Variants in ST3GAL5 observed in about 807,000 individuals in gnomAD.
ST3GAL5 encodes ST3 beta-galactoside alpha-2,3-sialyltransferase 5.
A neutral mutation model predicts 46.1 loss-of-function variants in ST3GAL5; 25 were observed. The observed-to-expected ratio is 0.54, with a 90% CI of 0.40 to 0.76. The LOEUF (loss-of-function observed/expected upper bound fraction) is 0.76. Ranked by LOEUF, ST3GAL5 falls within the 30% of genes least tolerant of loss-of-function variation. ST3GAL5 has a pLI of 0.00. For missense variants in ST3GAL5, 431 were observed against 521.2 expected, an observed-to-expected ratio of 0.83 and a Z score of 1.69; for synonymous variants, 182 against 192.7, an observed-to-expected ratio of 0.94 and a Z score of 0.46.
At chr2:85,887,214 A>G (rs1687857586) in intron 1 of ST3GAL5, among the ~76,000 whole-genome samples, 1 of 152,252 alleles carries the variant, frequency 6.6e-6, no homozygotes, top group Admixed American at 6.5e-5. Context: ...ACCAAAGAAC[A>G]AAGAGTGTGT....
intron 3 of ST3GAL5, chr2:85,851,810 G>A (rs972798783): frequency 2.2e-6 from 2 of 929,062 alleles, no homozygotes; most frequent in Admixed American, 2.8e-5. Context: ...ATCCAGATGA[G>A]GCTCACTGGA....
intron 1 of ST3GAL5, chr2:85,880,955 G>T: frequency 1.9e-6 from 1 of 515,546 alleles, no homozygotes; most frequent in Non-Finnish European, 3.9e-6. Flanking sequence ...GTGTGATATG[G>T]TTTGGCTCTG....
intron 3 of ST3GAL5, among the ~76,000 whole-genome samples, chr2:85,859,008 G>A (rs1005698416): frequency 6.6e-6 from 1 of 152,198 alleles, no homozygotes; most frequent in African/African-American, 2.4e-5. Flanking sequence ...AGACCACGTG[G>A]CTTAAGTTCA....
intron 5 of ST3GAL5, chr2:85,845,242 A>AG (rs1682644389): frequency 6.5e-6 from 1 of 154,078 alleles, no homozygotes; most frequent in Admixed American, 6.4e-5. Flanking sequence ...TGACCAAGTG[A>AG]GGGCCATCTC....
chr2:85,844,263 A>T, intron 6 of ST3GAL5, 133 bp downstream of exon 6: 1 of 1,139,280 alleles, frequency 8.8e-7, no homozygotes, highest in Non-Finnish European at 1.3e-6. Context: ...TGGTAAACAC[A>T]CATGGAGCAT....
At position 85,848,222 on chromosome 2, in the gene ST3GAL5, C is replaced by G; in HGVS notation, c.319-18G>C. The stretch of plus-strand genomic sequence containing the variant: ...TGAGCTCTCTGGAATGAAATCACAC[C>G]AATCTGGGTTTTAAAAACTCTCCTG... On this transcript the variant is annotated intron_variant, in intron 3 of 6. Coordinates refer to ENST00000638572, the MANE Select transcript of ST3GAL5 (RefSeq NM_003896.4). The G allele has an allele frequency of 1.2e-6, 2 of 1,613,936 alleles. 1 individual carries two copies. Among genetic ancestry groups the G allele is most frequent in the Non-Finnish European group, 1.7e-6 (2 of 1,179,922 alleles).
At chr2:85,848,868 T>C in intron 3 of ST3GAL5, 1 of 158,372 alleles carries the variant, frequency 6.3e-6, no homozygotes, top group South Asian at 1.8e-4. Context: ...AAAAAAAAGG[T>C]TTCATATATC....
intron 1 of ST3GAL5, among the ~76,000 whole-genome samples, chr2:85,886,535 C>A (rs1184098409): frequency 1.3e-5 from 2 of 151,686 alleles, no homozygotes; most frequent in Admixed American, 1.3e-4. Flanking sequence ...AGTATCTATG[C>A]TATACTTAAA....
chr2:85,865,750 GCTTCCGC>G (rs1359307420), intron 1 of ST3GAL5: 8 of 152,284 alleles, frequency 5.3e-5, no homozygotes, highest in Non-Finnish European at 8.8e-5. Flanking sequence ...AGACTCCAGG[GCTTCCGC>G]CTCCAGGTGC....
rs368455690 is a variant in ST3GAL5 at position 85,867,638 on chromosome 2, A to G, written c.83-4153T>C. On this transcript the variant is annotated intron_variant, in intron 1 of 6. Coordinates refer to ENST00000638572, the MANE Select transcript of ST3GAL5 (RefSeq NM_003896.4). ...GCCATGTCCTGGGTGGCGGCGAGACAGGATAATGGTTGCCCATGCTATTAC... is the reference window on the plus strand; with the variant it reads ...GCCATGTCCTGGGTGGCGGCGAGACGGGATAATGGTTGCCCATGCTATTAC... The G allele has an allele frequency of 3.8e-6, 3 of 780,888 alleles. No individual in the cohort carries two copies. The African/African-American group carries it at 5.1e-5, about 13-fold the overall frequency. 48.4% of individuals were successfully genotyped at this position (780,888 alleles called of 1,614,324 possible).
chr2:85,844,927 C>G (rs1455152881), intron 5 of ST3GAL5: 1 of 326,770 alleles, frequency 3.1e-6, no homozygotes, highest in Non-Finnish European at 5.9e-6. Context: ...TCCTCTCTCA[C>G]TTACTCTATT....
chr2:85,879,102 G>A (rs556967296), intron 1 of ST3GAL5, among the ~76,000 whole-genome samples: 1 of 152,304 alleles, frequency 6.6e-6, no homozygotes, highest in East Asian at 1.9e-4. Context: ...TCTTAAGTAG[G>A]AGAGTGGTGA....
Position 85,863,346 on chromosome 2 carries a change from CA to C in ST3GAL5, c.206+15del, listed in dbSNP as rs776798363. The C allele has an allele frequency of 4.2e-5, 67 of 1,613,756 alleles. 1 individual carries two copies. The South Asian group carries it at 7.0e-4, about 17-fold the overall frequency. On this transcript the variant is annotated intron_variant, in intron 2 of 6. Transcript: ENST00000638572. ...CCCAAAGCAGGGGGATCTACAGTCC[CA>C]GGGGCGGTACTTACTTGAGGATGTC... is the stretch of plus-strand genomic sequence containing the variant.
intron 6 of ST3GAL5, among the ~76,000 whole-genome samples, chr2:85,842,262 C>G (rs1682211132): frequency 6.6e-6 from 1 of 152,202 alleles, no homozygotes; most frequent in South Asian, 2.1e-4. Flanking sequence ...CCTGTTTAGC[C>G]AGGGCTCTAG....
At chr2:85,848,727 C>G (rs996218584) in intron 3 of ST3GAL5, 5 of 177,710 alleles carry the variant, frequency 2.8e-5, no homozygotes, top group African/African-American at 9.5e-5. Context: ...ATAGGTACAG[C>G]GTTTCGGTTT....
intron 6 of ST3GAL5, 126 bp downstream of exon 6, chr2:85,844,270 G>T (rs2280316): frequency 5.9e-6 from 7 of 1,196,276 alleles, no homozygotes; most frequent in African/African-American, 4.5e-5. Flanking sequence ...CACACATGGA[G>T]CATCTAATCA....
In ST3GAL5 at chr2:85,840,376, C is replaced by T. The variant is rs1434601459; in HGVS notation, c.1025G>A (p.Gly342Asp). The stretch of plus-strand genomic sequence containing the variant: ...TGTGGCTAAGACAACGGCAATGACA[C>T]CGATTGTGGGGACGTTCTGAGAAAG... ...WGRDKNVPTIGVIAVVLATHL... is the reference protein window; with the variant it reads ...WGRDKNVPTIDVIAVVLATHL... Residue 342 changes from glycine (G) to aspartate (D), a missense_variant, in exon 7 of 7, where the codon GGT (glycine) becomes GAT (aspartate). Gly to Asp is a moderately conservative substitution (Grantham distance 94). Transcript: ENST00000638572. 1 of 1,614,054 alleles carries T rather than the reference C, an allele frequency of 6.2e-7. No homozygotes were observed. The highest frequency in any genetic ancestry group is 1.1e-5 in the South Asian group (1 of 91,054).
At chr2:85,875,206 T>G (rs1269413577) in intron 1 of ST3GAL5, among the ~76,000 whole-genome samples, 1 of 151,928 alleles carries the variant, frequency 6.6e-6, no homozygotes, top group African/African-American at 2.4e-5. Context: ...GATAGGTGTA[T>G]ACCACCACAC....
At chr2:85,849,617 AAAACAAAAAAAC>A (rs1432129389) in intron 3 of ST3GAL5, 1 of 152,368 alleles carries the variant, frequency 6.6e-6, no homozygotes, top group Non-Finnish European at 1.5e-5. Context: ...TCTGTCTCAA[AAAACAAAAAAAC>A]AAACAAAAAA....
Sources: allele counts gnomAD v4.1 joint callset (sites outside exome capture counted in the v4.1 genomes callset), GRCh38; gene constraint gnomAD v4.1.1; transcripts MANE v1.5; gene names NCBI Gene and HGNC (gene_info 2026-07-23, HGNC 2026-07-21).